Variants in FGF12 observed in about 807,000 individuals in gnomAD.
FGF12 encodes the protein fibroblast growth factor 12, also known as fibroblast growth factor 12B.
A neutral mutation model predicts 23.6 loss-of-function variants in FGF12; 14 were observed. The ratio of observed to expected loss-of-function variants is 0.59; its 90% CI spans 0.39 to 0.93. The LOEUF (loss-of-function observed/expected upper bound fraction) is 0.93, where lower values mean the gene tolerates loss of function less well. Ranked by LOEUF, FGF12 falls within the 40% of genes least tolerant of loss-of-function variation. The probability of loss-of-function intolerance (pLI) is 0.00; values close to 1 mark genes in which losing one functional copy is unlikely to be tolerated. For missense variants in FGF12, 175 were observed against 217.8 expected, an observed-to-expected ratio of 0.80 and a Z score of 1.24; for synonymous variants, 62 against 77.3, an observed-to-expected ratio of 0.80 and a Z score of 1.04.
intron 2 of FGF12, among the ~76,000 whole-genome samples, chr3:192,422,645 C>T (rs888708597): frequency 6.6e-6 from 1 of 152,070 alleles, no homozygotes; most frequent in Admixed American, 6.6e-5. Context: ...GGTCTAAGCA[C>T]TTTATATGTA....
intron 2 of FGF12, among the ~76,000 whole-genome samples, chr3:192,607,782 C>T (rs1417155973): frequency 1.3e-5 from 2 of 149,850 alleles, no homozygotes; most frequent in East Asian, 3.9e-4. Flanking sequence ...ATTTTCTTGT[C>T]AGCTCTCTTC....
At chr3:192,475,833 T>C (rs139629436) in intron 2 of FGF12, among the ~76,000 whole-genome samples, 4 of 152,304 alleles carry the variant, frequency 2.6e-5, no homozygotes, top group Non-Finnish European at 5.9e-5. Context: ...GAAAATTTCC[T>C]TCCAGAAGTC....
intron 2 of FGF12, among the ~76,000 whole-genome samples, chr3:192,567,738 T>TTTCC (rs1712371991): frequency 4.4e-5 from 2 of 45,866 alleles, no homozygotes; most frequent in South Asian, 1.5e-3. Flanking sequence ...CATGTGTCTC[T>TTTCC]TTCTTTCTTT....
chr3:192,355,708 G>C (rs751390903), intron 3 of FGF12, among the ~76,000 whole-genome samples: 5 of 152,176 alleles, frequency 3.3e-5, no homozygotes, highest in Non-Finnish European at 7.3e-5. Flanking sequence ...AAGGATGTGG[G>C]TGTAATTCTA....
chr3:192,345,295 GA>G (rs1312529368), intron 3 of FGF12, among the ~76,000 whole-genome samples: 1 of 152,184 alleles, frequency 6.6e-6, no homozygotes, highest in Admixed American at 6.6e-5. Flanking sequence ...GATACTCAAA[GA>G]TACTGTTTTC....
intron 4 of FGF12, among the ~76,000 whole-genome samples, chr3:192,197,028 AG>A (rs1308130338): frequency 1.3e-5 from 2 of 152,246 alleles, no homozygotes; most frequent in East Asian, 3.8e-4. Flanking sequence ...CAGAAATCTA[AG>A]GAAAGGTAAG....
Position 192,174,052 on chromosome 3 carries a change from T to C in FGF12, c.229-3396A>G, listed in dbSNP as rs77989212. ...CAGTACTTCTTCCAATGCCACACAT[T>C]GCTTTCCTACTGCATACGCAATCCT... is the stretch of plus-strand genomic sequence containing the variant. On this transcript the variant is annotated intron_variant, in intron 4 of 5. Coordinates refer to ENST00000445105, the MANE Select transcript of FGF12 (RefSeq NM_004113.6). Among the ~76,000 whole-genome samples, 563 of 152,330 alleles carry C rather than the reference T, an allele frequency of 3.7e-3. 1 individual carries two copies. The highest frequency in any genetic ancestry group is 0.013 in the African/African-American group (545 of 41,580).
rs780289994 is a variant in FGF12 at position 192,673,912 on chromosome 3, G to A, written c.13+53269C>T. 2.6e-5 allele frequency among the ~76,000 whole-genome samples: 4 copies of A among 151,134 alleles called. 1 individual carries two copies. Among genetic ancestry groups the A allele is most frequent in the Non-Finnish European group, 5.9e-5 (4 of 67,500 alleles). On this transcript the variant is annotated intron_variant, in intron 2 of 5. Coordinates refer to ENST00000445105, the MANE Select transcript of FGF12 (RefSeq NM_004113.6). The stretch of plus-strand genomic sequence containing the variant: ...TTCCTTTGGGTATATACCCAGTAAT[G>A]GGATTGTTGAGTCAAATAGTATTTC...
intron 3 of FGF12, among the ~76,000 whole-genome samples, chr3:192,359,943 T>C (rs1465584051): frequency 6.7e-6 from 1 of 148,270 alleles, no homozygotes; most frequent in Admixed American, 6.8e-5. Flanking sequence ...TAACATAAAA[T>C]AACATATATA....
intron 2 of FGF12, among the ~76,000 whole-genome samples, chr3:192,367,451 G>A (rs1004274329): frequency 5.3e-5 from 8 of 152,064 alleles, no homozygotes; most frequent in Non-Finnish European, 7.4e-5. Flanking sequence ...AGACTATTAG[G>A]GTTAGAAAAT....
Position 192,336,529 on chromosome 3 carries a change from G to A in FGF12, c.125-1065C>T, listed in dbSNP as rs13081106. Among the ~76,000 whole-genome samples, 31,987 of 151,920 alleles carry A rather than the reference G, an allele frequency of 0.21. 3,661 individuals carry two copies. Among genetic ancestry groups the A allele is most frequent in the Admixed American group, 0.28 (4,328 of 15,232 alleles). ...CATATGGAAGAAAAGCAATCATATA[G>A]TTAGGCTCTATAGATGGCAACATGG... On this transcript the variant is annotated intron_variant, in intron 3 of 5. Coordinates refer to ENST00000445105, the MANE Select transcript of FGF12 (RefSeq NM_004113.6). The surrounding 1 kb of genome is among the most constrained non-coding windows in gnomAD (Gnocchi z 4.3).
intron 2 of FGF12, among the ~76,000 whole-genome samples, chr3:192,449,012 T>C (rs1560114524): frequency 6.6e-6 from 1 of 152,220 alleles, no homozygotes; most frequent in South Asian, 2.1e-4. Context: ...AGCAACAGTA[T>C]ATTTTTGTAT....
intron 4 of FGF12, among the ~76,000 whole-genome samples, chr3:192,175,183 G>A (rs1440661223): frequency 6.6e-6 from 1 of 152,160 alleles, no homozygotes; most frequent in African/African-American, 2.4e-5. Context: ...AATGTATAAC[G>A]GAAACAGGCA....
At chr3:192,603,942 C>G (rs1284872865) in intron 2 of FGF12, among the ~76,000 whole-genome samples, 1 of 152,084 alleles carries the variant, frequency 6.6e-6, no homozygotes. Context: ...AAGACCAGGG[C>G]GTATCTCAGT....
chr3:192,549,104 C>T (rs1725567300), intron 2 of FGF12, among the ~76,000 whole-genome samples: 1 of 152,094 alleles, frequency 6.6e-6, no homozygotes. Context: ...GTTGCTCAGG[C>T]TAAGAAATCT....
At chr3:192,601,747 T>G (rs2108631720) in intron 2 of FGF12, among the ~76,000 whole-genome samples, 1 of 152,280 alleles carries the variant, frequency 6.6e-6, no homozygotes, top group East Asian at 1.9e-4. Context: ...AATGGTGTAG[T>G]ATTTGCATAT....
intron 2 of FGF12, among the ~76,000 whole-genome samples, chr3:192,607,774 T>G (rs1001620487): frequency 4.6e-5 from 7 of 151,594 alleles, no homozygotes; most frequent in Non-Finnish European, 2.9e-5. Flanking sequence ...TGGTGGAAAT[T>G]TTCTTGTCAG....
At position 192,281,586 on chromosome 3, in the gene FGF12, C is replaced by T. The variant is rs145874303; in HGVS notation, c.228+53775G>A. ...CACCTCTGAGAGACCCTATATTAAACACATAATCTCTGTAATGACTTCACA... is the reference window on the plus strand; with the variant it reads ...CACCTCTGAGAGACCCTATATTAAATACATAATCTCTGTAATGACTTCACA... On this transcript the variant is annotated intron_variant, in intron 4 of 5. Transcript: ENST00000445105. 2.9e-3 allele frequency among the ~76,000 whole-genome samples: 443 copies of T among 152,250 alleles called. 1 individual carries two copies. The highest frequency in any genetic ancestry group is 0.01 in the African/African-American group (425 of 41,548).
At chr3:192,664,774 A>G (rs571340841) in intron 2 of FGF12, among the ~76,000 whole-genome samples, 7 of 152,144 alleles carry the variant, frequency 4.6e-5, no homozygotes, top group African/African-American at 1.7e-4. Context: ...CACAACAACA[A>G]CTACAACAAA....
Sources: gnomAD v4.1 joint callset for allele counts (sites outside exome capture counted in the v4.1 genomes callset) on GRCh38, gnomAD v4.1.1 for gene constraint, Gnocchi (gnomAD v3.1) non-coding constraint, MANE v1.5 for transcripts, NCBI Gene and HGNC (gene_info 2026-07-23, HGNC 2026-07-21) for gene names.